Variants in STK33 observed in about 807,000 individuals in gnomAD.
STK33 encodes serine/threonine kinase 33, also known as serine/threonine-protein kinase 33.
A neutral mutation model predicts 58.0 loss-of-function variants in STK33; 52 were observed. The ratio of observed to expected loss-of-function variants is 0.90; its 90% CI spans 0.72 to 1.13. The LOEUF is 1.13. Among genes scored for constraint, STK33 ranks in the 50% most tolerant of loss-of-function variants. STK33 has a pLI of 0.00. For missense variants in STK33, 630 were observed against 604.2 expected (o/e 1.04, Z -0.45); for synonymous variants, 215 against 200.1 (o/e 1.07, Z -0.63).
At chr11:8,376,182 T>C in the STK33 span, among the ~76,000 whole-genome samples, 1 of 152,140 alleles carries the variant, frequency 6.6e-6, no homozygotes, top group Non-Finnish European at 1.5e-5. Flanking sequence ...GGCAAGGCTC[T>C]GGGAAACAGG....
the STK33 span, among the ~76,000 whole-genome samples, chr11:8,373,279 G>T: frequency 7.2e-5 from 11 of 152,350 alleles, no homozygotes; most frequent in African/African-American, 2.6e-4. Context: ...CACAAGGCCA[G>T]CCCAGACTCA....
intron 14 of STK33, among the ~76,000 whole-genome samples, chr11:8,416,964 T>A (rs1941225037): frequency 6.6e-6 from 1 of 152,162 alleles, no homozygotes; most frequent in Non-Finnish European, 1.5e-5. Flanking sequence ...ATAAATTGTA[T>A]CAGATACTTG....
the STK33 span, among the ~76,000 whole-genome samples, chr11:8,347,115 A>G: frequency 2.0e-5 from 3 of 152,308 alleles, no homozygotes; most frequent in East Asian, 1.9e-4. Context: ...CAGTCTTTCA[A>G]AATTCAAACT....
chr11:8,345,574 A>G, the STK33 span, among the ~76,000 whole-genome samples: 7 of 152,254 alleles, frequency 4.6e-5, no homozygotes, highest in Admixed American at 3.9e-4. Flanking sequence ...CCAGCAAGCC[A>G]GGGAGTAGGG....
chr11:8,395,319 A>G (rs1291523899), intron 15 of STK33, among the ~76,000 whole-genome samples: 1 of 152,148 alleles, frequency 6.6e-6, no homozygotes, highest in African/African-American at 2.4e-5. Context: ...ATGGTTTTAT[A>G]AAGGGCAGTT....
chr11:8,461,766 A>G (rs1186861072), intron 8 of STK33, 39 bp downstream of exon 8: 4 of 1,457,268 alleles, frequency 2.7e-6, no homozygotes, highest in South Asian at 2.7e-5. Context: ...TTTTGTAATA[A>G]TAACAACTTT....
chr11:8,410,673 A>C (rs181687974), intron 15 of STK33, among the ~76,000 whole-genome samples: 1 of 152,098 alleles, frequency 6.6e-6, no homozygotes, highest in Admixed American at 6.5e-5. Context: ...GGGTTTCGCC[A>C]TGTTGTCCAG....
chr11:8,469,486 G>C (rs1948566588), intron 6 of STK33, among the ~76,000 whole-genome samples: 1 of 152,090 alleles, frequency 6.6e-6, no homozygotes, highest in African/African-American at 2.4e-5. Context: ...ATCCACTTAA[G>C]ACTTGAACCC....
intron 14 of STK33, among the ~76,000 whole-genome samples, chr11:8,435,034 AG>A (rs1241433442): frequency 1.3e-5 from 2 of 152,222 alleles, no homozygotes; most frequent in African/African-American, 4.8e-5. Flanking sequence ...GTCTAATGGC[AG>A]AAAACAATAT....
chr11:8,394,732 C>T (rs926993842), intron 15 of STK33, among the ~76,000 whole-genome samples: 2 of 152,104 alleles, frequency 1.3e-5, no homozygotes, highest in Non-Finnish European at 2.9e-5. Context: ...ATCTTGAGAT[C>T]ATTATTAAAG....
intron 1 of STK33, among the ~76,000 whole-genome samples, chr11:8,558,749 C>T (rs1161096471): frequency 1.3e-5 from 2 of 152,180 alleles, no homozygotes; most frequent in African/African-American, 2.4e-5. Context: ...TCTGTGTTCA[C>T]CTGGTGTTTC....
chr11:8,372,381 C>T, the STK33 span, among the ~76,000 whole-genome samples: 2 of 151,784 alleles, frequency 1.3e-5, no homozygotes, highest in African/African-American at 2.4e-5. Context: ...CTGGCTGGCT[C>T]AGGCCTGGAG....
intron 15 of STK33, among the ~76,000 whole-genome samples, chr11:8,394,114 G>A (rs181983888): frequency 6.6e-6 from 1 of 152,130 alleles, no homozygotes; most frequent in Non-Finnish European, 1.5e-5. Context: ...AAACTTCTGG[G>A]TTATTTCTGT....
At chr11:8,581,804 C>T (rs1446763918) in intron 1 of STK33, among the ~76,000 whole-genome samples, 3 of 152,202 alleles carry the variant, frequency 2.0e-5, no homozygotes, top group African/African-American at 2.4e-5. Context: ...GAACTCTTAG[C>T]GGTTTGCATT....
the STK33 span, among the ~76,000 whole-genome samples, chr11:8,361,304 C>T: frequency 2.0e-5 from 3 of 152,152 alleles, no homozygotes; most frequent in East Asian, 3.9e-4. This position sits in a 1 kb window ranked among gnomAD's most constrained non-coding sequence, Gnocchi z 4.8. Context: ...CAGAGACCCG[C>T]CTGAGCCTCC....
chr11:8,442,020 T>C (rs912441047), intron 11 of STK33, among the ~76,000 whole-genome samples: 11 of 120,632 alleles, frequency 9.1e-5, no homozygotes, highest in Non-Finnish European at 1.7e-4. Context: ...CACCTACACA[T>C]ACCTACACCT....
At chr11:8,469,934 T>C (rs1225686408) in intron 6 of STK33, among the ~76,000 whole-genome samples, 1 of 152,230 alleles carries the variant, frequency 6.6e-6, no homozygotes, top group Admixed American at 6.5e-5. Flanking sequence ...AAAGGTGCTA[T>C]CATTCAGGCT....
At chr11:8,471,055 T>C (rs1948728990) in intron 6 of STK33, among the ~76,000 whole-genome samples, 1 of 152,276 alleles carries the variant, frequency 6.6e-6, no homozygotes, top group East Asian at 1.9e-4. Context: ...GTGCAATAAA[T>C]CAAAGCATGA....
chr11:8,538,860 G>A (rs1018260817), intron 1 of STK33, among the ~76,000 whole-genome samples: 3 of 152,110 alleles, frequency 2.0e-5, no homozygotes, highest in African/African-American at 7.2e-5. Flanking sequence ...CTAACAGGAG[G>A]ACTTCCTAAA....
Sources: gnomAD v4.1 joint callset for allele counts (sites outside exome capture counted in the v4.1 genomes callset) on GRCh38, gnomAD v4.1.1 for gene constraint, Gnocchi (gnomAD v3.1) non-coding constraint, MANE v1.5 for transcripts, NCBI Gene and HGNC (gene_info 2026-07-23, HGNC 2026-07-21) for gene names.